Variants in CDH18 observed in about 807,000 individuals in gnomAD.
CDH18 encodes cadherin 18.
In CDH18, 31 loss-of-function variants were observed where a neutral mutation model predicts 67.9. That is an observed-to-expected ratio of 0.46 (90% CI 0.34 to 0.62). The LOEUF (loss-of-function observed/expected upper bound fraction) is 0.62. Among genes scored for constraint, CDH18 ranks in the 20% least tolerant of loss-of-function variants. The pLI, the probability that CDH18 is intolerant of heterozygous loss-of-function variation, is 0.01. For missense variants in CDH18, 890 were observed against 975.5 expected (o/e 0.91, Z 1.17); for synonymous variants, 362 against 347.2 (o/e 1.04, Z -0.48).
chr5:20,227,093 C>T (rs187317822), intron 2 of CDH18, among the ~76,000 whole-genome samples: 48 of 152,188 alleles, frequency 3.2e-4, no homozygotes, highest in South Asian at 1.0e-3. Flanking sequence ...GTTGGTGAGA[C>T]CCAACCCTAC....
chr5:19,546,107 G>T (rs573656830), intron 8 of CDH18, among the ~76,000 whole-genome samples: 57 of 152,242 alleles, frequency 3.7e-4, no homozygotes, highest in Non-Finnish European at 6.2e-4. Context: ...CTGTTAGGAG[G>T]TTGATTGAGG....
At chr5:20,498,591 T>A (rs775738387) in intron 1 of CDH18, among the ~76,000 whole-genome samples, 10 of 152,280 alleles carry the variant, frequency 6.6e-5, no homozygotes, top group Non-Finnish European at 1.2e-4. Context: ...TTATGATTTT[T>A]CATTAATTGT....
At chr5:20,179,177 C>G (rs1737486152) in intron 2 of CDH18, among the ~76,000 whole-genome samples, 1 of 152,090 alleles carries the variant, frequency 6.6e-6, no homozygotes, top group African/African-American at 2.4e-5. Context: ...ACATTGGCAA[C>G]AGCCTACATT....
chr5:19,502,765 T>A (rs545115306), intron 11 of CDH18: 10 of 548,984 alleles, frequency 1.8e-5, no homozygotes, highest in African/African-American at 1.5e-4. Flanking sequence ...ATATTACATG[T>A]ACATTTCTTG....
intron 2 of CDH18, among the ~76,000 whole-genome samples, chr5:19,848,419 C>T (rs911763680): frequency 6.6e-6 from 1 of 152,072 alleles, no homozygotes; most frequent in African/African-American, 2.4e-5. Flanking sequence ...CAGTTAGTTT[C>T]ACACTCACCT....
chr5:19,993,947 C>G (rs1230247964), intron 2 of CDH18, among the ~76,000 whole-genome samples: 1 of 152,092 alleles, frequency 6.6e-6, no homozygotes, highest in Non-Finnish European at 1.5e-5. Flanking sequence ...CTAACTATAA[C>G]ACAAGTTGCT....
chr5:20,525,198 T>G (rs1238092119), intron 1 of CDH18, among the ~76,000 whole-genome samples: 1 of 152,134 alleles, frequency 6.6e-6, no homozygotes, highest in Non-Finnish European at 1.5e-5. Flanking sequence ...GCCCTGAGAT[T>G]CTTGCTGGGG....
intron 1 of CDH18, among the ~76,000 whole-genome samples, chr5:20,317,503 C>T (rs542876599): frequency 6.5e-4 from 99 of 152,170 alleles, no homozygotes; most frequent in Non-Finnish European, 1.3e-3. Flanking sequence ...GTTATACTTT[C>T]AGTAGTACAC....
At chr5:19,787,711 C>G (rs1775955856) in intron 3 of CDH18, among the ~76,000 whole-genome samples, 1 of 150,746 alleles carries the variant, frequency 6.6e-6, no homozygotes, top group African/African-American at 2.4e-5. Context: ...AAACCAAGTA[C>G]AAAAGCAAAA....
chr5:19,747,258 A>G (rs753859145), intron 3 of CDH18, 22 bp from the exon 4 acceptor site: 1 of 1,581,662 alleles, frequency 6.3e-7, no homozygotes, highest in South Asian at 1.1e-5. Context: ...ACATGGAATA[A>G]TTTAGCATAT....
At chr5:20,038,383 C>T (rs1740085261) in intron 2 of CDH18, among the ~76,000 whole-genome samples, 1 of 152,112 alleles carries the variant, frequency 6.6e-6, no homozygotes, top group Non-Finnish European at 1.5e-5. Flanking sequence ...CAAAACCTGG[C>T]AGAGACACAA....
intron 1 of CDH18, among the ~76,000 whole-genome samples, chr5:20,427,931 T>A (rs1488179858): frequency 6.6e-6 from 1 of 151,220 alleles, no homozygotes; most frequent in Admixed American, 6.6e-5. Flanking sequence ...CGTGTTTGTT[T>A]TTTTGTTTAA....
At chr5:20,061,858 C>T (rs1742515114) in intron 2 of CDH18, among the ~76,000 whole-genome samples, 1 of 152,004 alleles carries the variant, frequency 6.6e-6, no homozygotes, top group Non-Finnish European at 1.5e-5. Flanking sequence ...TTAATATGAA[C>T]TCCAGAAAAG....
chr5:19,507,536 A>T (rs957623854), intron 10 of CDH18, among the ~76,000 whole-genome samples: 2 of 152,210 alleles, frequency 1.3e-5, no homozygotes, highest in Non-Finnish European at 2.9e-5. Flanking sequence ...CTGGATTAAG[A>T]AAATGTGGCA....
intron 1 of CDH18, among the ~76,000 whole-genome samples, chr5:20,508,323 T>TTA (rs55885279): frequency 0.059 from 6,409 of 108,020 alleles, 218 homozygotes; most frequent in Non-Finnish European, 0.082. Flanking sequence ...ATGACTATGA[T>TTA]TATATATATA....
intron 3 of CDH18, among the ~76,000 whole-genome samples, chr5:19,774,443 A>AAAATAAAATAAAATAAAAT (rs1473317352): frequency 1.3e-5 from 2 of 150,686 alleles, no homozygotes; most frequent in East Asian, 1.9e-4. Context: ...AAAATAAAAT[A>AAAATAAAATAAAATAAAAT]AAATAAATAA....
intron 2 of CDH18, among the ~76,000 whole-genome samples, chr5:20,199,499 C>G (rs1332250508): frequency 6.6e-6 from 1 of 152,086 alleles, no homozygotes; most frequent in Non-Finnish European, 1.5e-5. Flanking sequence ...TAGGAAGTAA[C>G]TAACTTGCTT....
At chr5:20,190,982 T>C (rs1057286334) in intron 2 of CDH18, among the ~76,000 whole-genome samples, 2 of 152,168 alleles carry the variant, frequency 1.3e-5, no homozygotes, top group Admixed American at 1.3e-4. Flanking sequence ...TTTGCACTTA[T>C]TACTTTTGCA....
chr5:20,040,937 A>G (rs923252142), intron 2 of CDH18, among the ~76,000 whole-genome samples: 1 of 152,182 alleles, frequency 6.6e-6, no homozygotes. Context: ...TTAAGTATTT[A>G]TTTGGCCTTT....
Sources: gnomAD v4.1 joint callset for allele counts (sites outside exome capture counted in the v4.1 genomes callset) on GRCh38, gnomAD v4.1.1 for gene constraint, MANE v1.5 for transcripts, NCBI Gene and HGNC (gene_info 2026-07-23, HGNC 2026-07-21) for gene names.